PTBP2: variants seen among roughly 807,000 people sequenced by gnomAD.
The protein encoded by PTBP2 is polypyrimidine tract-binding protein 2.
PTBP2 carries 13 observed loss-of-function variants against 61.4 expected under a neutral mutation model. The ratio of observed to expected loss-of-function variants is 0.21; its 90% CI spans 0.14 to 0.34. The LOEUF (loss-of-function observed/expected upper bound fraction) is 0.34, where lower values mean the gene tolerates loss of function less well. Among genes scored for constraint, PTBP2 ranks in the 10% least tolerant of loss-of-function variants. PTBP2 has a pLI of 1.00. For synonymous variants in PTBP2, 215 were observed against 218.5 expected, an observed-to-expected ratio of 0.98 and a Z score of 0.14; for missense variants, 405 against 642.6, an observed-to-expected ratio of 0.63 and a Z score of 4.00.
chr1:96,813,178 A>T, intron 13 of PTBP2, 72 bp downstream of exon 13: 1 of 1,542,652 alleles, frequency 6.5e-7, no homozygotes, highest in African/African-American at 1.4e-5. Flanking sequence ...CTTTTCGTTT[A>T]TAGAAATTTT....
At chr1:96,790,233 T>TA (rs1659642563) in intron 8 of PTBP2, among the ~76,000 whole-genome samples, 1 of 152,118 alleles carries the variant, frequency 6.6e-6, no homozygotes, top group Non-Finnish European at 1.5e-5. Context: ...TATATAAACT[T>TA]AAAGTTAGTT....
At chr1:96,725,032 C>T (rs959149416) in intron 2 of PTBP2, among the ~76,000 whole-genome samples, 38 of 152,080 alleles carry the variant, frequency 2.5e-4, no homozygotes, top group African/African-American at 6.8e-4. Flanking sequence ...AGGAATAATA[C>T]GCTCTTTTTG....
intron 3 of PTBP2, among the ~76,000 whole-genome samples, chr1:96,760,970 A>G (rs975878600): frequency 6.6e-6 from 1 of 152,340 alleles, no homozygotes; most frequent in East Asian, 1.9e-4. Context: ...ACTAATAACA[A>G]AAGAATGGTT....
intron 2 of PTBP2, among the ~76,000 whole-genome samples, chr1:96,728,085 A>G (rs1330806420): frequency 6.6e-6 from 1 of 152,014 alleles, no homozygotes; most frequent in African/African-American, 2.4e-5. Context: ...GAACTCCTGG[A>G]CACAAGGGCT....
At chr1:96,781,791 G>A (rs1658700703) in intron 7 of PTBP2, among the ~76,000 whole-genome samples, 1 of 151,772 alleles carries the variant, frequency 6.6e-6, no homozygotes, top group Non-Finnish European at 1.5e-5. Flanking sequence ...TGACATTCAG[G>A]GTGAAAATCA....
intron 8 of PTBP2, among the ~76,000 whole-genome samples, chr1:96,790,357 T>C (rs1312561998): frequency 2.0e-5 from 3 of 152,112 alleles, no homozygotes; most frequent in Non-Finnish European, 1.5e-5. Flanking sequence ...TTAGTGATTT[T>C]AATGATGCTT....
chr1:96,740,637 C>A (rs1652871107), intron 2 of PTBP2, among the ~76,000 whole-genome samples: 1 of 152,066 alleles, frequency 6.6e-6, no homozygotes, highest in Non-Finnish European at 1.5e-5. Flanking sequence ...GTTTACCATT[C>A]CCATAAATTT....
Position 96,760,478 on chromosome 1 carries a change from G to A in PTBP2, c.115+8978G>A, listed in dbSNP as rs1420191118. On this transcript the variant is annotated intron_variant, in intron 3 of 13. Coordinates refer to ENST00000674951, the MANE Select transcript of PTBP2 (RefSeq NM_021190.4). Reference sequence around the variant, plus strand: ...TTTTTTTTTTTTGAGACAGAGTCTTGCTCTGTCACCAGGCTGGAATGCAGT... The same window carrying A: ...TTTTTTTTTTTTGAGACAGAGTCTTACTCTGTCACCAGGCTGGAATGCAGT... Among the ~76,000 whole-genome samples the A allele has an allele frequency of 3.8e-5, 4 of 104,150 alleles. No individual in the cohort carries two copies. In the East Asian group the frequency reaches 1.2e-3, roughly 32 times the overall value. The allele number at this position is 104,150 out of a possible 152,430, so 68.3% of individuals were successfully genotyped here.
At chr1:96,741,861 C>T (rs766931235) in intron 2 of PTBP2, among the ~76,000 whole-genome samples, 14 of 152,128 alleles carry the variant, frequency 9.2e-5, no homozygotes, top group Admixed American at 2.6e-4. Flanking sequence ...AATAGCTCAG[C>T]TTTTCTCCAA....
At chr1:96,732,236 T>C (rs1651526900) in intron 2 of PTBP2, among the ~76,000 whole-genome samples, 1 of 152,200 alleles carries the variant, frequency 6.6e-6, no homozygotes, top group Non-Finnish European at 1.5e-5. Context: ...ACTTTTTTGG[T>C]AATAGTTGTG....
At chr1:96,745,157 A>G (rs1227554143) in intron 2 of PTBP2, among the ~76,000 whole-genome samples, 1 of 149,260 alleles carries the variant, frequency 6.7e-6, no homozygotes, top group African/African-American at 2.4e-5. Flanking sequence ...TGTATATTCC[A>G]TATGCAGCAA....
chr1:96,799,593 A>G (rs749533124), intron 8 of PTBP2, among the ~76,000 whole-genome samples: 3 of 152,120 alleles, frequency 2.0e-5, no homozygotes, highest in Non-Finnish European at 2.9e-5. Flanking sequence ...TTCCTCACAT[A>G]TCTGCTGCCT....
chr1:96,778,031 A>G, intron 7 of PTBP2, 85 bp downstream of exon 7: 1 of 575,898 alleles, frequency 1.7e-6, no homozygotes, highest in African/African-American at 1.9e-5. Flanking sequence ...ATACTTAATG[A>G]TATCTTGTAG....
intron 2 of PTBP2, among the ~76,000 whole-genome samples, chr1:96,743,381 T>G (rs1364965362): frequency 6.6e-6 from 1 of 152,178 alleles, no homozygotes; most frequent in African/African-American, 2.4e-5. Flanking sequence ...ATACAGGGGT[T>G]TGATCAGACT....
chr1:96,779,950 T>G (rs960064295), intron 7 of PTBP2, among the ~76,000 whole-genome samples: 2 of 152,084 alleles, frequency 1.3e-5, no homozygotes, highest in African/African-American at 4.8e-5. Flanking sequence ...TTTAAAAATC[T>G]CTTCCCATTT....
At chr1:96,790,185 G>C (rs990869902) in intron 8 of PTBP2, among the ~76,000 whole-genome samples, 8 of 151,862 alleles carry the variant, frequency 5.3e-5, no homozygotes, top group African/African-American at 1.9e-4. Context: ...TTTCTTTAGA[G>C]TGTCATGTTA....
chr1:96,785,740 G>C (rs766914550), intron 8 of PTBP2, among the ~76,000 whole-genome samples: 3 of 152,060 alleles, frequency 2.0e-5, no homozygotes, highest in Non-Finnish European at 2.9e-5. Context: ...GCATATTGTA[G>C]TGGCCTTTTA....
At chr1:96,742,867 A>T (rs1653225362) in intron 2 of PTBP2, among the ~76,000 whole-genome samples, 1 of 152,222 alleles carries the variant, frequency 6.6e-6, no homozygotes. Context: ...TGGTACCATT[A>T]TAAAGTTTAA....
Position 96,721,802 on chromosome 1 carries a change from G to A in PTBP2, c.-63G>A. ...GGGCCCCAGCCGCCATTTTCTCGCC[G>A]CTTGTGTGGCTCGCTGGCTGCGTGG... On this transcript the variant is annotated 5_prime_UTR_variant, in exon 1 of 14. Coordinates refer to ENST00000674951, the MANE Select transcript of PTBP2 (RefSeq NM_021190.4). 6.5e-7 allele frequency: 1 copy of A among 1,549,782 alleles called. No individual in the cohort carries two copies. Among genetic ancestry groups the A allele is most frequent in the Non-Finnish European group, 8.7e-7 (1 of 1,145,578 alleles).
Sources: gnomAD v4.1 joint callset for allele counts (sites outside exome capture counted in the v4.1 genomes callset) on GRCh38, gnomAD v4.1.1 for gene constraint, MANE v1.5 for transcripts, NCBI Gene and HGNC (gene_info 2026-07-23, HGNC 2026-07-21) for gene names.